The following RUFY1 variants were observed in gnomAD, a reference collection of about 807,000 sequenced individuals.
The protein encoded by RUFY1 is RUN and FYVE domain-containing protein 1.
RUFY1 carries 54 observed loss-of-function variants against 94.6 expected under a neutral mutation model. The ratio of observed to expected loss-of-function variants is 0.57; its 90% CI spans 0.46 to 0.72. The LOEUF (loss-of-function observed/expected upper bound fraction) is 0.72, where lower values mean the gene tolerates loss of function less well. Among genes scored for constraint, RUFY1 ranks in the 30% least tolerant of loss-of-function variants. The pLI is 0.00. For synonymous variants in RUFY1, 396 were observed against 347.3 expected, an observed-to-expected ratio of 1.14 and a Z score of -1.56; for missense variants, 883 against 883.9, an observed-to-expected ratio of 1.00 and a Z score of 0.01.
At chr5:179,570,156 G>A (rs1008106183) in intron 5 of RUFY1, among the ~76,000 whole-genome samples, 1 of 152,146 alleles carries the variant, frequency 6.6e-6, no homozygotes, top group African/African-American at 2.4e-5. Context: ...GGGATTACAG[G>A]TGTGAGCCAC....
chr5:179,581,825 C>G (rs148179860), intron 7 of RUFY1, among the ~76,000 whole-genome samples: 137 of 151,954 alleles, frequency 9.0e-4, no homozygotes, highest in African/African-American at 3.0e-3. Context: ...GCTGGGACTA[C>G]AAGCACACGT....
intron 13 of RUFY1, among the ~76,000 whole-genome samples, chr5:179,597,438 T>G (rs970417159): frequency 2.6e-5 from 4 of 152,178 alleles, no homozygotes; most frequent in African/African-American, 4.8e-5. Context: ...GGTTTCACTG[T>G]GTTAACCCAG....
At chr5:179,584,723 C>T (rs147503523) in intron 7 of RUFY1, among the ~76,000 whole-genome samples, 5,554 of 152,008 alleles carry the variant, frequency 0.037, 358 homozygotes, top group African/African-American at 0.13. Context: ...GATCACACCA[C>T]TGCACTCCAG....
chr5:179,581,102 A>G, intron 7 of RUFY1, 90 bp downstream of exon 7: 1 of 782,556 alleles, frequency 1.3e-6, no homozygotes, highest in Non-Finnish European at 2.1e-6. Context: ...GTATTTATAA[A>G]TAACTTGTTT....
At chr5:179,564,684 A>G (rs902137420) in intron 3 of RUFY1, among the ~76,000 whole-genome samples, 2 of 149,866 alleles carry the variant, frequency 1.3e-5, no homozygotes, top group Non-Finnish European at 3.0e-5. Context: ...AAAAAAAAAA[A>G]GAAAAAAAAA....
intron 1 of RUFY1, among the ~76,000 whole-genome samples, chr5:179,557,562 C>A (rs1762172216): frequency 6.6e-6 from 1 of 152,180 alleles, no homozygotes; most frequent in Admixed American, 6.5e-5. Flanking sequence ...TTTGCCAATA[C>A]AGTACTTTTT....
intron 5 of RUFY1, 134 bp from the exon 6 acceptor site, chr5:179,576,941 A>T: frequency 1.6e-6 from 1 of 616,936 alleles, no homozygotes; most frequent in East Asian, 2.7e-5. Context: ...ATTGATTTCC[A>T]CTTCATAGAG....
intron 3 of RUFY1, among the ~76,000 whole-genome samples, chr5:179,565,510 T>C (rs945843571): frequency 6.6e-6 from 1 of 152,196 alleles, no homozygotes. Flanking sequence ...AGTGAAGATA[T>C]TGCCCATTCA....
chr5:179,567,020 C>G (rs1325868385), intron 3 of RUFY1, among the ~76,000 whole-genome samples: 1 of 152,014 alleles, frequency 6.6e-6, no homozygotes, highest in Admixed American at 6.6e-5. Flanking sequence ...CACCACTGCA[C>G]TCCAGCCTGG....
intron 3 of RUFY1, among the ~76,000 whole-genome samples, chr5:179,565,624 TA>T: frequency 6.6e-6 from 1 of 152,342 alleles, no homozygotes; most frequent in South Asian, 2.1e-4. Flanking sequence ...AATATTCATT[TA>T]CAATATCATT....
At chr5:179,589,369 A>G in intron 8 of RUFY1, 177 bp from the exon 9 acceptor site, 2 of 571,594 alleles carry the variant, frequency 3.5e-6, no homozygotes, top group Non-Finnish European at 6.3e-6. Flanking sequence ...TTTACTACAT[A>G]CATTTTCATG....
chr5:179,566,625 GA>G (rs59142888), intron 3 of RUFY1, among the ~76,000 whole-genome samples: 47,192 of 115,162 alleles, frequency 0.41, 7,683 homozygotes, highest in African/African-American at 0.43. Context: ...GCTCCATCTC[GA>G]AAAAAAAAAA....
At chr5:179,603,379 C>T (rs780208318) in intron 15 of RUFY1, among the ~76,000 whole-genome samples, 10 of 152,136 alleles carry the variant, frequency 6.6e-5, no homozygotes, top group Non-Finnish European at 1.2e-4. Flanking sequence ...TGCCTCTTAC[C>T]TTTCTAGACT....
chr5:179,576,629 C>A (rs1247495311), intron 5 of RUFY1, among the ~76,000 whole-genome samples: 1 of 152,140 alleles, frequency 6.6e-6, no homozygotes, highest in Non-Finnish European at 1.5e-5. Flanking sequence ...CCATGCTGGC[C>A]AGGCTGGTTT....
At chr5:179,558,656 C>A (rs1277728900) in intron 1 of RUFY1, among the ~76,000 whole-genome samples, 2 of 151,990 alleles carry the variant, frequency 1.3e-5, no homozygotes, top group Admixed American at 6.6e-5. Flanking sequence ...AGGTGAAATG[C>A]TTAGGCTGTT....
At chr5:179,604,489 G>T (rs1173846264) in intron 15 of RUFY1, among the ~76,000 whole-genome samples, 1 of 152,126 alleles carries the variant, frequency 6.6e-6, no homozygotes, top group African/African-American at 2.4e-5. Flanking sequence ...CCTATTTCCT[G>T]TTTCTGCAGC....
chr5:179,587,923 G>A (rs543346478), intron 8 of RUFY1, among the ~76,000 whole-genome samples: 1 of 152,124 alleles, frequency 6.6e-6, no homozygotes, highest in East Asian at 2.0e-4. Context: ...AGCTACTCGG[G>A]AGGCTGAGGT....
chr5:179,608,011 G>C (rs565700683), intron 17 of RUFY1, among the ~76,000 whole-genome samples: 14 of 152,260 alleles, frequency 9.2e-5, no homozygotes, highest in African/African-American at 2.9e-4. Context: ...GCCCAACTTA[G>C]GCAAAAACAA....
In RUFY1 at chr5:179,589,542, T is replaced by C; in HGVS notation, c.1027-4T>C. The C allele has an allele frequency of 6.2e-7, 1 of 1,609,908 alleles. No homozygotes were observed. The highest frequency in any genetic ancestry group is 2.2e-5 in the East Asian group (1 of 44,878). On this transcript the variant is annotated splice_polypyrimidine_tract_variant and splice_region_variant and intron_variant, in intron 8 of 17. Transcript: ENST00000319449. ...TAAGAACTGTAAAAATTTTCCTTAA[T>C]CAGCTTTCAGCTGCAACAGACCGAA...
Sources: gnomAD v4.1 joint callset for allele counts (sites outside exome capture counted in the v4.1 genomes callset) on GRCh38, gnomAD v4.1.1 for gene constraint, MANE v1.5 for transcripts, NCBI Gene and HGNC (gene_info 2026-07-23, HGNC 2026-07-21) for gene names.